The following CEP44 variants were observed in gnomAD, a reference collection of about 807,000 sequenced individuals.
CEP44 encodes centrosomal protein of 44 kDa.
A neutral mutation model predicts 46.7 loss-of-function variants in CEP44; 45 were observed. The observed-to-expected ratio is 0.96, with a 90% CI of 0.76 to 1.24. The LOEUF (loss-of-function observed/expected upper bound fraction) is 1.24. CEP44 is among the 50% of genes most tolerant of loss of function. CEP44 has a pLI of 0.00. For synonymous variants in CEP44, 142 were observed against 146.0 expected (o/e 0.97, Z 0.20); for missense variants, 475 against 459.7 (o/e 1.03, Z -0.30).
At position 174,304,385 on chromosome 4, in the gene CEP44, G is replaced by C; in HGVS notation, c.507+16G>C. ...CTCAGGAAAGGTATGCAACCACAAAGAAAATATCATATTGTTTAAGAGTTA... is the reference window on the plus strand; with the variant it reads ...CTCAGGAAAGGTATGCAACCACAAACAAAATATCATATTGTTTAAGAGTTA... On this transcript the variant is annotated intron_variant, in intron 6 of 11. Coordinates refer to ENST00000503780, the MANE Select transcript of CEP44 (RefSeq NM_001040157.3). 1 of 1,601,438 alleles carries C rather than the reference G, an allele frequency of 6.2e-7. No homozygotes were observed. The highest frequency in any genetic ancestry group is 1.8e-5 in the Admixed American group (1 of 56,414).
Position 174,326,740 on chromosome 4 carries a change from A to G in CEP44, c.1087-4742A>G, listed in dbSNP as rs1742695630. Reference sequence around the variant, plus strand: ...TTATTTCACCTTCATTTTCAAATGAAGGATACAATTTTAGGTGAATAGGGA... The same window carrying G: ...TTATTTCACCTTCATTTTCAAATGAGGGATACAATTTTAGGTGAATAGGGA... On this transcript the variant is annotated intron_variant, in intron 8 of 8. Coordinates refer to the CEP44 transcript ENST00000426172. The surrounding 1 kb of genome is among the most constrained non-coding windows in gnomAD (Gnocchi z 4.8). Among the ~76,000 whole-genome samples, 2 of 152,048 alleles carry G rather than the reference A, an allele frequency of 1.3e-5. No homozygotes were observed. The highest frequency in any genetic ancestry group is 4.8e-5 in the African/African-American group (2 of 41,434).
chr4:174,327,452 A>C (rs1742755496), intron 8 of CEP44, among the ~76,000 whole-genome samples: 1 of 151,952 alleles, frequency 6.6e-6, no homozygotes, highest in South Asian at 2.1e-4. Flanking sequence ...CTAAGATTAT[A>C]CATATTAAAG....
downstream of CEP44, among the ~76,000 whole-genome samples, chr4:174,322,251 C>T (rs1385491218): frequency 6.6e-6 from 1 of 152,080 alleles, no homozygotes; most frequent in Non-Finnish European, 1.5e-5. Context: ...TCATTCTCTT[C>T]CACCTTCACT....
At chr4:174,303,394 T>C (rs1404116647) in intron 4 of CEP44, among the ~76,000 whole-genome samples, 2 of 152,202 alleles carry the variant, frequency 1.3e-5, no homozygotes, top group Non-Finnish European at 2.9e-5. Context: ...TCTAGTGAAC[T>C]AAGAAGTTTT....
downstream of CEP44, among the ~76,000 whole-genome samples, chr4:174,322,132 A>G (rs1001032605): frequency 1.3e-5 from 2 of 151,308 alleles, no homozygotes; most frequent in Non-Finnish European, 2.9e-5. Context: ...AATGTTTAAA[A>G]TTTATTTATT....
intron 9 of CEP44, among the ~76,000 whole-genome samples, chr4:174,313,275 G>A (rs1436100092): frequency 6.6e-6 from 1 of 151,906 alleles, no homozygotes; most frequent in Non-Finnish European, 1.5e-5. Flanking sequence ...TCATTAGAGG[G>A]TACAGTAGTT....
At position 174,317,603 on chromosome 4, in the gene CEP44, G is replaced by A; in HGVS notation, c.*220G>A. 1.8e-6 allele frequency: 2 copies of A among 1,089,970 alleles called. No homozygotes were observed. Among genetic ancestry groups the A allele is most frequent in the Middle Eastern group, 4.1e-4 (1 of 2,432 alleles). 67.5% of individuals were successfully genotyped at this position (1,089,970 alleles called of 1,614,324 possible). A position where few individuals can be genotyped will look rare whatever the true frequency, so the allele number is the denominator to read the frequency against. ...CTTGTGTCACTTTTTTTTTTTTTAG[G>A]AAAAACTCATGTTCCAGTATATTTC... On this transcript the variant is annotated 3_prime_UTR_variant, in exon 12 of 12. Transcript: ENST00000503780.
chr4:174,331,785 A>C lies in CEP44; in HGVS notation c.*190A>C. On this transcript the variant is annotated 3_prime_UTR_variant, in exon 9 of 9. Coordinates refer to the CEP44 transcript ENST00000426172. The surrounding 1 kb of genome is among the most constrained non-coding windows in gnomAD (Gnocchi z 4.5). ...TGGGTAACACTTAGTTGTTTGTCTA[A>C]TTTCTATTTTCCAGAAATTTCTCAA... 1.5e-6 allele frequency: 1 copy of C among 657,898 alleles called. No individual in the cohort carries two copies. Among genetic ancestry groups the C allele is most frequent in the South Asian group, 5.3e-5 (1 of 18,742 alleles). 40.8% of individuals were successfully genotyped at this position (657,898 alleles called of 1,614,324 possible).
Position 174,309,948 on chromosome 4 carries a change from CTGTT to C in CEP44, c.780_783del (p.Cys260TrpfsTer5), listed in dbSNP as rs1218905659. 2.5e-6 allele frequency: 4 copies of C among 1,612,620 alleles called. No individual in the cohort carries two copies. The highest frequency in any genetic ancestry group is 2.7e-5 in the African/African-American group (2 of 74,838). On this transcript the variant is annotated frameshift_variant, in exon 8 of 12. Transcript: ENST00000503780. LOFTEE classifies it high-confidence loss of function. The surrounding 1 kb of genome is among the most constrained non-coding windows in gnomAD (Gnocchi z 5.3). ...TGACTTCGATAGAGAAAAGGTTAGA[CTGTT>C]TGGAACAAAAAATGAAAGGAAAAGT...
intron 8 of CEP44, among the ~76,000 whole-genome samples, chr4:174,327,257 T>A (rs1742738019): frequency 6.6e-6 from 1 of 151,120 alleles, no homozygotes; most frequent in Non-Finnish European, 1.5e-5. Flanking sequence ...AATATGTGCA[T>A]GAACTTTATG....
intron 1 of CEP44, among the ~76,000 whole-genome samples, chr4:174,289,025 GT>G (rs1304522243): frequency 6.6e-6 from 1 of 152,112 alleles, no homozygotes; most frequent in Non-Finnish European, 1.5e-5. Context: ...GCCCATGTGA[GT>G]TTTATCCTTC....
Position 174,318,774 on chromosome 4 carries a change from T to A in CEP44, c.*1391T>A. The stretch of plus-strand genomic sequence containing the variant: ...TGTGAATTTGAAACAGTGTAAGAAA[T>A]CACTTTTAAGAAAACATTTTTAGAA... On this transcript the variant is annotated 3_prime_UTR_variant, in exon 12 of 12. Transcript: ENST00000503780. 1.3e-6 allele frequency: 1 copy of A among 775,650 alleles called. No individual in the cohort carries two copies. Among genetic ancestry groups the A allele is most frequent in the Non-Finnish European group, 1.6e-6 (1 of 639,604 alleles). 48.0% of individuals were successfully genotyped at this position (775,650 alleles called of 1,614,324 possible).
downstream of CEP44, among the ~76,000 whole-genome samples, chr4:174,321,119 C>T (rs1742289033): frequency 6.6e-6 from 1 of 152,118 alleles, no homozygotes; most frequent in Non-Finnish European, 1.5e-5. Flanking sequence ...AAATCTCAAG[C>T]CCTGCTCTTG....
intron 8 of CEP44, among the ~76,000 whole-genome samples, chr4:174,328,136 G>A (rs2126703341): frequency 6.6e-6 from 1 of 152,288 alleles, no homozygotes; most frequent in East Asian, 1.9e-4. Context: ...CATGAAAGGG[G>A]ATCAATTGGC....
rs1334013916 is a variant in CEP44, at chr4:174,318,380, G to A, written c.*997G>A. 1.2e-5 allele frequency: 12 copies of A among 985,120 alleles called. No homozygotes were observed. In the African/African-American group the frequency reaches 1.2e-4, roughly 10 times the overall value. 61.0% of individuals were successfully genotyped at this position (985,120 alleles called of 1,614,324 possible). A position where few individuals can be genotyped will look rare whatever the true frequency, so the allele number is the denominator to read the frequency against. The stretch of plus-strand genomic sequence containing the variant: ...AGAGAATGTAGCCATTCTAGCCACC[G>A]TTAAAAGATACACAGTGAGGTGTTG... On this transcript the variant is annotated 3_prime_UTR_variant, in exon 12 of 12. Transcript: ENST00000503780.
At chr4:174,300,824 C>T (rs72702257) in intron 3 of CEP44, among the ~76,000 whole-genome samples, 6 of 152,124 alleles carry the variant, frequency 3.9e-5, no homozygotes, top group Non-Finnish European at 8.8e-5. Flanking sequence ...TTCTAATATG[C>T]TAAGTCCTTA....
intron 1 of CEP44, among the ~76,000 whole-genome samples, chr4:174,289,329 T>G (rs1737907676): frequency 6.6e-6 from 1 of 151,466 alleles, no homozygotes; most frequent in South Asian, 2.1e-4. Flanking sequence ...TTTAATAAGG[T>G]TTTGTATTAA....
At chr4:174,293,573 T>C (rs1231441286) in intron 1 of CEP44, among the ~76,000 whole-genome samples, 1 of 152,234 alleles carries the variant, frequency 6.6e-6, no homozygotes, top group African/African-American at 2.4e-5. Context: ...ATGGTGTTTT[T>C]AGTTTTATAT....
At chr4:174,295,736 G>A (rs938371873) in intron 1 of CEP44, among the ~76,000 whole-genome samples, 8 of 152,182 alleles carry the variant, frequency 5.3e-5, no homozygotes, top group Admixed American at 2.6e-4. Flanking sequence ...CTGCAATCCC[G>A]GCACCTCGGG....
Sources: allele counts gnomAD v4.1 joint callset (sites outside exome capture counted in the v4.1 genomes callset), GRCh38; gene constraint gnomAD v4.1.1; non-coding constraint Gnocchi (gnomAD v3.1); transcripts MANE v1.5; gene names NCBI Gene and HGNC (gene_info 2026-07-23, HGNC 2026-07-21).